MGA: variants seen among roughly 807,000 people sequenced by gnomAD.
MGA encodes MAX dimerization protein MGA.
MGA carries 40 observed loss-of-function variants against 261.1 expected under a neutral mutation model. The ratio of observed to expected loss-of-function variants is 0.15; its 90% CI spans 0.12 to 0.20. The LOEUF is 0.20. Among genes scored for constraint, MGA ranks in the 10% least tolerant of loss-of-function variants. MGA has a pLI of 1.00. For synonymous variants in MGA, 1,302 were observed against 1,290.6 expected (o/e 1.01, Z -0.19); for missense variants, 3,397 against 3,630.5 (o/e 0.94, Z 1.65).
chr15:41,767,494 G>A lies in MGA; in HGVS notation c.*214G>A, dbSNP rs2063859867. ...GTTAAAATGTGTTACCTCACTTGTGGTGCTGGGTCCCCTCATCCTCTCTAA... is the reference window on the plus strand; with the variant it reads ...GTTAAAATGTGTTACCTCACTTGTGATGCTGGGTCCCCTCATCCTCTCTAA... On this transcript the variant is annotated 3_prime_UTR_variant, in exon 24 of 24. Coordinates refer to ENST00000219905, the MANE Select transcript of MGA (RefSeq NM_001164273.2). 1 of 582,276 alleles carries A rather than the reference G, an allele frequency of 1.7e-6. No individual in the cohort carries two copies. The highest frequency in any genetic ancestry group is 3.0e-6 in the Non-Finnish European group (1 of 331,872). 36.1% of individuals were successfully genotyped at this position (582,276 alleles called of 1,614,324 possible).
intron 1 of MGA, among the ~76,000 whole-genome samples, chr15:41,639,039 C>G (rs994533118): frequency 5.9e-5 from 9 of 152,026 alleles, no homozygotes; most frequent in African/African-American, 2.2e-4. Flanking sequence ...CACTGTGTTG[C>G]CCAGGCTGGA....
intron 2 of MGA, among the ~76,000 whole-genome samples, chr15:41,672,884 A>G (rs969420716): frequency 5.3e-5 from 8 of 152,092 alleles, no homozygotes; most frequent in African/African-American, 1.9e-4. Context: ...ACACACACAC[A>G]CACACACTAT....
rs765026083 is a variant in MGA at position 41,713,184 on chromosome 15, A to T, written c.3118A>T (p.Ile1040Leu). The change falls in exon 9 of 24, where the codon ATA becomes TTA. Residue 1040 changes from isoleucine to leucine, a missense_variant. Coordinates refer to ENST00000219905, the MANE Select transcript of MGA (RefSeq NM_001164273.2). ...CAAAACTAAACCTATCCACACAATC[A>T]TAAGGAAACGAGCCCCTCCCTGCAA... is the stretch of plus-strand genomic sequence containing the variant. The T allele has an allele frequency of 3.7e-6, 6 of 1,613,770 alleles. No individual in the cohort carries two copies. Among genetic ancestry groups the T allele is most frequent in the South Asian group, 1.1e-5 (1 of 91,084 alleles).
chr15:41,663,654 A>G (rs567539453), intron 1 of MGA, among the ~76,000 whole-genome samples: 13 of 152,056 alleles, frequency 8.5e-5, no homozygotes, highest in Admixed American at 6.5e-5. Context: ...TATTTTTTGT[A>G]GAGAGAGGGT....
At chr15:41,726,681 A>G (rs1004594525) in intron 9 of MGA, among the ~76,000 whole-genome samples, 48 of 151,580 alleles carry the variant, frequency 3.2e-4, no homozygotes, top group African/African-American at 1.1e-3. Context: ...ATGAGCCAAG[A>G]TTGCGCCATT....
At chr15:41,763,190 C>G (rs2063590378) in intron 22 of MGA, among the ~76,000 whole-genome samples, 1 of 149,286 alleles carries the variant, frequency 6.7e-6, no homozygotes, top group Admixed American at 6.7e-5. Flanking sequence ...AGCTCCACCT[C>G]CTGGGTTCAT....
intron 5 of MGA, among the ~76,000 whole-genome samples, chr15:41,704,968 A>C (rs2060033586): frequency 1.3e-5 from 2 of 152,228 alleles, no homozygotes; most frequent in African/African-American, 4.8e-5. Flanking sequence ...AAGCAAAACG[A>C]TTTAGAAATA....
chr15:41,646,037 C>G (rs1284998851), intron 1 of MGA, among the ~76,000 whole-genome samples: 2 of 152,124 alleles, frequency 1.3e-5, no homozygotes, highest in Admixed American at 1.3e-4. Context: ...TGGTCTCATT[C>G]AGAAAAATTT....
chr15:41,631,825 C>T (rs2056594420), intron 1 of MGA, among the ~76,000 whole-genome samples: 1 of 151,860 alleles, frequency 6.6e-6, no homozygotes, highest in Non-Finnish European at 1.5e-5. Context: ...AATACATAAG[C>T]ACAAATAATA....
In MGA at chr15:41,713,207, C is replaced by T; in HGVS notation, c.3141C>T (p.Cys1047=). 6.2e-7 allele frequency: 1 copy of T among 1,614,016 alleles called. No homozygotes were observed. The highest frequency in any genetic ancestry group is 8.5e-7 in the Non-Finnish European group (1 of 1,179,900). Residue 1047 remains cysteine (C), a synonymous_variant, in exon 9 of 24, where the codon TGC becomes TGT. Coordinates refer to ENST00000219905, the MANE Select transcript of MGA (RefSeq NM_001164273.2). ...TCATAAGGAAACGAGCCCCTCCCTG[C>T]AACAATGACTTCTGTCGACTGGGTT...
upstream of MGA, among the ~76,000 whole-genome samples, chr15:41,658,585 A>AC (rs1162064225): frequency 6.6e-6 from 1 of 151,844 alleles, no homozygotes; most frequent in Non-Finnish European, 1.5e-5. Context: ...TTCTCATAGG[A>AC]CCCTCAGATT....
chr15:41,691,576 G>A (rs1274679838), intron 2 of MGA: 3 of 474,492 alleles, frequency 6.3e-6, no homozygotes, highest in Admixed American at 2.1e-5. Context: ...GTAAGTAGAC[G>A]TGGCAAGAAC....
chr15:41,745,217 C>T (rs1484125521), intron 15 of MGA, among the ~76,000 whole-genome samples: 1 of 150,204 alleles, frequency 6.7e-6, no homozygotes, highest in Non-Finnish European at 1.5e-5. Flanking sequence ...ATTGACCTTC[C>T]CTCCACTATT....
At chr15:41,624,533 C>T (rs2056397318) in intron 1 of MGA, among the ~76,000 whole-genome samples, 1 of 152,132 alleles carries the variant, frequency 6.6e-6, no homozygotes, top group African/African-American at 2.4e-5. Flanking sequence ...CGGGGTTTCA[C>T]TATATTGGCC....
At chr15:41,688,664 T>A (rs944790102) in intron 2 of MGA, among the ~76,000 whole-genome samples, 2 of 152,250 alleles carry the variant, frequency 1.3e-5, no homozygotes, top group African/African-American at 4.8e-5. Context: ...TATCTGTTTA[T>A]CTTTCCCTGT....
intron 2 of MGA, among the ~76,000 whole-genome samples, chr15:41,692,390 A>G (rs1566983184): frequency 6.6e-6 from 1 of 152,160 alleles, no homozygotes; most frequent in Non-Finnish European, 1.5e-5. Flanking sequence ...GGTCCTCGAG[A>G]TTCTGCCCAT....
intron 9 of MGA, among the ~76,000 whole-genome samples, chr15:41,714,699 C>T (rs1056243657): frequency 2.0e-5 from 3 of 152,002 alleles, no homozygotes; most frequent in Non-Finnish European, 1.5e-5. Flanking sequence ...CACCATGTTG[C>T]GTAGGCTGGT....
chr15:41,658,581 T>C (rs780767783), upstream of MGA, among the ~76,000 whole-genome samples: 2 of 152,076 alleles, frequency 1.3e-5, no homozygotes, highest in Non-Finnish European at 2.9e-5. Context: ...AAAGTTCTCA[T>C]AGGACCCTCA....
intron 6 of MGA, 24 bp from the exon 7 acceptor site, chr15:41,708,080 T>C: frequency 6.5e-7 from 1 of 1,537,118 alleles, no homozygotes; most frequent in Non-Finnish European, 8.8e-7. Flanking sequence ...ATTTTGGTCA[T>C]CTGTTTGACT....
Sources: allele counts gnomAD v4.1 joint callset (sites outside exome capture counted in the v4.1 genomes callset), GRCh38; gene constraint gnomAD v4.1.1; transcripts MANE v1.5; gene names NCBI Gene and HGNC (gene_info 2026-07-23, HGNC 2026-07-21).